ZBTB14: variants seen among roughly 807,000 people sequenced by gnomAD.
The protein encoded by ZBTB14 is zinc finger and BTB domain containing 14.
In ZBTB14, 8 loss-of-function variants were observed where a neutral mutation model predicts 29.5. The ratio of observed to expected loss-of-function variants is 0.27; its 90% CI spans 0.16 to 0.49. ZBTB14 has a LOEUF of 0.49. Ranked by LOEUF, ZBTB14 falls within the 20% of genes least tolerant of loss-of-function variation. ZBTB14 has a pLI of 0.99. For missense variants in ZBTB14, 333 were observed against 563.8 expected, an observed-to-expected ratio of 0.59 and a Z score of 4.15; for synonymous variants, 226 against 207.2, an observed-to-expected ratio of 1.09 and a Z score of -0.78.
At chr18:5,293,754 A>AAAGCTT (rs2071873037) in intron 2 of ZBTB14, 1 of 91,986 alleles carries the variant, frequency 1.1e-5, no homozygotes, top group East Asian at 5.1e-4. Flanking sequence ...CTATAGAAGT[A>AAAGCTT]TATACCTTAC....
Position 5,290,793 on chromosome 18 carries a change from A to G in ZBTB14, c.*65T>C. On this transcript the variant is annotated 3_prime_UTR_variant, in exon 4 of 4. Transcript: ENST00000651870. The stretch of plus-strand genomic sequence containing the variant: ...CACAAAAATATTGTAACTGGCATTC[A>G]CTCATTATGATCCACGTCATCTCAG... 1 of 1,554,954 alleles carries G rather than the reference A, an allele frequency of 6.4e-7. No individual in the cohort carries two copies. Among genetic ancestry groups the G allele is most frequent in the South Asian group, 1.2e-5 (1 of 80,104 alleles).
intron 1 of ZBTB14, among the ~76,000 whole-genome samples, chr18:5,294,632 T>C (rs1299210227): frequency 6.6e-6 from 1 of 151,032 alleles, no homozygotes; most frequent in African/African-American, 2.4e-5. Flanking sequence ...GAGTCAAAAC[T>C]GGAAGACAGC....
chr18:5,294,171 G>C (rs1325893105), intron 1 of ZBTB14, among the ~76,000 whole-genome samples, 170 bp from the exon 2 acceptor site: 1 of 152,200 alleles, frequency 6.6e-6, no homozygotes, highest in East Asian at 1.9e-4. Flanking sequence ...CTAAAGAAAA[G>C]TGAACACACC....
In ZBTB14 at chr18:5,292,625, C is replaced by G. The variant is rs886470636; in HGVS notation, c.4-421G>C. On this transcript the variant is annotated intron_variant, in intron 3 of 3. Coordinates refer to ENST00000651870, the MANE Select transcript of ZBTB14 (RefSeq NM_001243702.2). ...CCAGTGCTTCCTGACTAGAGATAAT[C>G]AAATAACTCAAACTCAAGTTTTAAG... is the stretch of plus-strand genomic sequence containing the variant. Among the ~76,000 whole-genome samples, 5 of 152,154 alleles carry G rather than the reference C, an allele frequency of 3.3e-5. No individual in the cohort carries two copies. The East Asian group carries it at 5.8e-4, about 18-fold the overall frequency.
chr18:5,296,693 G>A (rs1376354352), upstream of ZBTB14, among the ~76,000 whole-genome samples: 1 of 151,968 alleles, frequency 6.6e-6, no homozygotes, highest in African/African-American at 2.4e-5. Flanking sequence ...CGACGTCTTC[G>A]ATTTGTAGTG....
chr18:5,296,392 G>T (rs952002417), upstream of ZBTB14, among the ~76,000 whole-genome samples: 1 of 149,942 alleles, frequency 6.7e-6, no homozygotes, highest in African/African-American at 2.4e-5. Context: ...GTGGGCTTCC[G>T]CCCGCGCCCG....
Position 5,291,360 on chromosome 18 carries a change from CCA to C in ZBTB14, c.846_847del (p.Cys282TrpfsTer6), listed in dbSNP as rs1445387663. The C allele has an allele frequency of 1.2e-6, 2 of 1,614,086 alleles. No individual in the cohort carries two copies. The highest frequency in any genetic ancestry group is 2.7e-5 in the African/African-American group (2 of 74,922). ...TCTGCCTTCATCAGAAAACGTCTTC[CCA>C]CACGCCTGGCAGGCAATCTGCTCCC... is the stretch of plus-strand genomic sequence containing the variant. On this transcript the variant is annotated frameshift_variant, in exon 4 of 4. Transcript: ENST00000651870. LOFTEE classifies it high-confidence loss of function. The surrounding 1 kb of genome is among the most constrained non-coding windows in gnomAD (Gnocchi z 5.8).
In ZBTB14 at chr18:5,291,030, G is replaced by A. The variant is rs1457612316; in HGVS notation, c.1178C>T (p.Ser393Phe). ...TGCCTTGGCAAATGCCTTGGTGCAG[G>A]AGCCACACACAAAAGGCTTTTCCCC... ...HRGEKPFVCG[S>F]CTKAFAKASD... Residue 393 changes from serine (S) to phenylalanine (F), a missense_variant, in exon 4 of 4, where the codon TCC becomes TTC. This residue lies in a region of ZBTB14 where 140 missense variants were observed against 274.6 expected (regional missense o/e 0.51). Coordinates refer to ENST00000651870, the MANE Select transcript of ZBTB14 (RefSeq NM_001243702.2). The surrounding 1 kb of genome is among the most constrained non-coding windows in gnomAD (Gnocchi z 5.8). The A allele has an allele frequency of 1.2e-6, 2 of 1,614,264 alleles. No homozygotes were observed. The highest frequency in any genetic ancestry group is 1.7e-5 in the Admixed American group (1 of 60,030).
In ZBTB14 at chr18:5,290,377, T is replaced by C. The variant is rs1427962375; in HGVS notation, c.*481A>G. The C allele has an allele frequency of 6.5e-6, 1 of 153,482 alleles. No individual in the cohort carries two copies. The highest frequency in any genetic ancestry group is 1.4e-5 in the Non-Finnish European group (1 of 68,974). 9.5% of individuals were successfully genotyped at this position (153,482 alleles called of 1,614,324 possible). On this transcript the variant is annotated 3_prime_UTR_variant, in exon 4 of 4. Coordinates refer to ENST00000651870, the MANE Select transcript of ZBTB14 (RefSeq NM_001243702.2). The stretch of plus-strand genomic sequence containing the variant: ...GAACTTTTTTTATATTTGTGCAGTG[T>C]TCTTGGTCAACCACTCACCAATTTT...
intron 1 of ZBTB14, among the ~76,000 whole-genome samples, chr18:5,295,396 CGGGGCCCGCGGCTCGGA>C (rs1268299123): frequency 7.1e-6 from 1 of 141,692 alleles, no homozygotes; most frequent in Admixed American, 6.9e-5. Flanking sequence ...GGCGGCGCGG[CGGGGCCCGCGGCTCGGA>C]GGGGCGGCGC....
rs1211260691 is a variant in ZBTB14, at chr18:5,291,819, A to G, written c.389T>C (p.Val130Ala). 3 of 1,613,898 alleles carry G rather than the reference A, an allele frequency of 1.9e-6. No individual in the cohort carries two copies. The highest frequency in any genetic ancestry group is 1.7e-5 in the Admixed American group (1 of 59,976). ...ACCATTGTTTTCATCGGGACTGGAC[A>G]CATCACGCTTCTGAGAACACAGTTT... The part of the protein sequence containing the change: ...LDKLCSQKRD[V>A]SSPDENNGQS... Residue 130 changes from valine to alanine, a missense_variant, in exon 4 of 4, where the codon GTG (valine) becomes GCG (alanine). This residue lies in a region of ZBTB14 where 126 missense variants were observed against 132.2 expected (regional missense o/e 0.95). Coordinates refer to ENST00000651870, the MANE Select transcript of ZBTB14 (RefSeq NM_001243702.2). This position sits in a 1 kb window ranked among gnomAD's most constrained non-coding sequence, Gnocchi z 5.8.
rs990210489 is a variant in ZBTB14 at position 5,293,403 on chromosome 18, TA to T, written c.-81-77del. On this transcript the variant is annotated intron_variant, in intron 2 of 3. Coordinates refer to ENST00000651870, the MANE Select transcript of ZBTB14 (RefSeq NM_001243702.2). ...AATCCTAAACCAAGAATTGATTTTT[TA>T]AAAATAAACTTTCTTGTTCCCTCTT... The T allele has an allele frequency of 3.7e-5, 30 of 803,036 alleles. No homozygotes were observed. The African/African-American group carries it at 4.9e-4, about 13-fold the overall frequency. The allele number at this position is 803,036 out of a possible 1,614,324, so 49.7% of individuals were successfully genotyped here.
At chr18:5,296,496 C>A (rs1377523465), upstream of ZBTB14, among the ~76,000 whole-genome samples, 1 of 151,248 alleles carries the variant, frequency 6.6e-6, no homozygotes, top group African/African-American at 2.4e-5. Flanking sequence ...GCAGGCCGGG[C>A]GCTGAGGCTG....
rs1191771327 is a variant in ZBTB14 at position 5,289,887 on chromosome 18, A to G, written c.*971T>C. On this transcript the variant is annotated 3_prime_UTR_variant, in exon 4 of 4. Transcript: ENST00000651870. The stretch of plus-strand genomic sequence containing the variant: ...CCTTTATGGATAAATCATGTGCCCC[A>G]CAGAGCCCCAAAGCTTGATGACATT... 1 of 152,480 alleles carries G rather than the reference A, an allele frequency of 6.6e-6. No individual in the cohort carries two copies. The highest frequency in any genetic ancestry group is 1.5e-5 in the Non-Finnish European group (1 of 68,034). The allele number at this position is 152,480 out of a possible 1,614,324, so 9.4% of individuals were successfully genotyped here. A position where few individuals can be genotyped will look rare whatever the true frequency, so the allele number is the denominator to read the frequency against.
rs760397790 is a variant in ZBTB14 at position 5,292,202 on chromosome 18, C to T, written c.6G>A (p.Glu2=). M[E]FFISMSETIK... is the part of the protein sequence containing the mutation. The stretch of plus-strand genomic sequence containing the variant: ...TGGTTTCAGACATACTGATGAAAAA[C>T]TCCTACAAAAAAAAAAAAAGTTTAG... The change falls in exon 4 of 4, where the codon GAG becomes GAA. Residue 2 remains glutamate (E), a splice_region_variant and synonymous_variant. Transcript: ENST00000651870. The T allele has an allele frequency of 1.1e-5, 17 of 1,492,092 alleles. No individual in the cohort carries two copies. In the East Asian group the frequency reaches 3.9e-4, roughly 34 times the overall value. The allele number at this position is 1,492,092 out of a possible 1,614,324, so 92.4% of individuals were successfully genotyped here.
At position 5,290,680 on chromosome 18, in the gene ZBTB14, C is replaced by G. The variant is rs956293949; in HGVS notation, c.*178G>C. The G allele has an allele frequency of 1.1e-6, 1 of 939,574 alleles. No individual in the cohort carries two copies. The highest frequency in any genetic ancestry group is 1.5e-6 in the Non-Finnish European group (1 of 649,418). 58.2% of individuals were successfully genotyped at this position (939,574 alleles called of 1,614,324 possible). On this transcript the variant is annotated 3_prime_UTR_variant, in exon 4 of 4. Transcript: ENST00000651870. ...AGACAGTGAAACGGTTTGGTCAGAACTGAGGAACACCATTTCCTTGAAAAG... is the reference window on the plus strand; with the variant it reads ...AGACAGTGAAACGGTTTGGTCAGAAGTGAGGAACACCATTTCCTTGAAAAG...
At position 5,291,032 on chromosome 18, in the gene ZBTB14, G is replaced by A. The variant is rs1010928103; in HGVS notation, c.1176C>T (p.Gly392=). 2 of 1,614,276 alleles carry A rather than the reference G, an allele frequency of 1.2e-6. No homozygotes were observed. The highest frequency in any genetic ancestry group is 1.7e-6 in the Non-Finnish European group (2 of 1,180,052). ...CCTTGGCAAATGCCTTGGTGCAGGA[G>A]CCACACACAAAAGGCTTTTCCCCTC... is the stretch of plus-strand genomic sequence containing the variant. ...RHRGEKPFVC[G]SCTKAFAKAS... Residue 392 remains glycine, a synonymous_variant, in exon 4 of 4, where the codon GGC becomes GGT. Coordinates refer to ENST00000651870, the MANE Select transcript of ZBTB14 (RefSeq NM_001243702.2). The surrounding 1 kb of genome is among the most constrained non-coding windows in gnomAD (Gnocchi z 5.8).
At position 5,293,036 on chromosome 18, in the gene ZBTB14, T is replaced by C. The variant is rs543400464; in HGVS notation, c.3+208A>G. 4.2e-4 allele frequency among the ~76,000 whole-genome samples: 64 copies of C among 152,342 alleles called. No individual in the cohort carries two copies. The South Asian group carries it at 8.7e-3, about 21-fold the overall frequency. ...TATAAGCAAAAATTTGGAACTGGCA[T>C]GAAAGATCTCTGTCATCATGTTAAA... On this transcript the variant is annotated intron_variant, in intron 3 of 3. Transcript: ENST00000651870.
chr18:5,294,841 A>T (rs1385027961), intron 1 of ZBTB14: 1 of 152,128 alleles, frequency 6.6e-6, no homozygotes, highest in Non-Finnish European at 1.5e-5. Context: ...GGGCAGCCCG[A>T]CAATGGCGGC....
Sources: allele counts gnomAD v4.1 joint callset (sites outside exome capture counted in the v4.1 genomes callset), GRCh38; gene constraint gnomAD v4.1.1; regional missense constraint gnomAD v4.1.1; non-coding constraint Gnocchi (gnomAD v3.1); transcripts MANE v1.5; gene names NCBI Gene and HGNC (gene_info 2026-07-23, HGNC 2026-07-21).